Variants in MROH9 observed in about 807,000 individuals in gnomAD.
MROH9 encodes the protein maestro heat like repeat family member 9, also known as maestro heat-like repeat-containing protein family member 9.
Under a neutral mutation model 98.2 loss-of-function variants are expected in MROH9, and 92 were observed. The observed-to-expected ratio is 0.94, with a 90% CI of 0.79 to 1.11. The LOEUF is 1.11. MROH9 is among the 50% of genes most tolerant of loss of function. MROH9 has a pLI of 0.00. For missense variants in MROH9, 1,057 were observed against 1,014.8 expected, an observed-to-expected ratio of 1.04 and a Z score of -0.57; for synonymous variants, 397 against 368.9, an observed-to-expected ratio of 1.08 and a Z score of -0.87.
rs374921240 is a variant in MROH9, at chr1:170,986,647, C to A, written c.816C>A (p.Ile272=). ...LMKLSSPDDK[I]ASDAASILIF... ...AACTCTCTTCACCTGATGATAAAAT[C>A]GCATCTGATGCAGCATCCATACTGA... Residue 272 remains isoleucine (I), a synonymous_variant, in exon 10 of 22, where the codon ATC becomes ATA. Coordinates refer to ENST00000367759, the MANE Select transcript of MROH9 (RefSeq NM_001163629.2). The A allele has an allele frequency of 5.6e-6, 9 of 1,613,760 alleles. No homozygotes were observed. Among genetic ancestry groups the A allele is most frequent in the African/African-American group, 2.7e-5 (2 of 74,888 alleles).
At chr1:170,940,328 A>T (rs61815200) in intron 1 of MROH9, among the ~76,000 whole-genome samples, 5,716 of 152,292 alleles carry the variant, frequency 0.038, 157 homozygotes, top group Middle Eastern at 0.061. Context: ...ATAAGTTTAG[A>T]TATTGCTACT....
intron 20 of MROH9, among the ~76,000 whole-genome samples, chr1:171,046,187 T>G (rs1476906023): frequency 6.6e-6 from 1 of 152,190 alleles, no homozygotes; most frequent in Non-Finnish European, 1.5e-5. Flanking sequence ...TGTGTGTCTT[T>G]ATAGGTGAAA....
intron 8 of MROH9, among the ~76,000 whole-genome samples, chr1:170,978,337 T>A (rs1241767530): frequency 6.6e-6 from 1 of 152,116 alleles, no homozygotes; most frequent in African/African-American, 2.4e-5. Context: ...GGGATAGAAC[T>A]CTGCTGTGGC....
chr1:171,020,439 G>A (rs1652479367), intron 17 of MROH9, among the ~76,000 whole-genome samples: 4 of 152,020 alleles, frequency 2.6e-5, no homozygotes. Flanking sequence ...TTCATCCCCG[G>A]GACGCAAGCC....
intron 7 of MROH9, among the ~76,000 whole-genome samples, chr1:170,967,719 T>C (rs778735642): frequency 6.6e-6 from 1 of 152,210 alleles, no homozygotes; most frequent in Non-Finnish European, 1.5e-5. Context: ...ATGACTCATG[T>C]GCCCATCAGG....
chr1:170,971,682 T>C, intron 7 of MROH9, 66 bp from the exon 8 acceptor site: 1 of 1,544,116 alleles, frequency 6.5e-7, no homozygotes, highest in South Asian at 1.1e-5. Flanking sequence ...CAGGATCAGA[T>C]GCATGCAGAC....
At chr1:171,025,256 G>A in intron 19 of MROH9, 62 bp from the exon 20 acceptor site, 1 of 1,050,568 alleles carries the variant, frequency 9.5e-7, no homozygotes, top group Non-Finnish European at 1.4e-6. Flanking sequence ...AGCCTTTCTG[G>A]AGGGAGCAAA....
intron 2 of MROH9, among the ~76,000 whole-genome samples, chr1:170,947,202 G>T (rs560306541): frequency 1.3e-5 from 2 of 151,942 alleles, no homozygotes; most frequent in Non-Finnish European, 2.9e-5. Flanking sequence ...AAATTATTGT[G>T]TAGAATTTCT....
chr1:170,979,761 A>C (rs28887824), intron 8 of MROH9, among the ~76,000 whole-genome samples: 17,915 of 152,192 alleles, frequency 0.12, 1,128 homozygotes, highest in South Asian at 0.14. Context: ...AAAGTTCATA[A>C]AGGACATCAA....
chr1:171,022,768 A>G (rs943335285), intron 17 of MROH9, among the ~76,000 whole-genome samples: 1 of 152,192 alleles, frequency 6.6e-6, no homozygotes, highest in Admixed American at 6.5e-5. Context: ...AGTTAAAAAA[A>G]AAGAAAAAAG....
intron 2 of MROH9, among the ~76,000 whole-genome samples, chr1:170,946,016 T>C (rs1649318644): frequency 6.6e-6 from 1 of 152,030 alleles, no homozygotes; most frequent in Non-Finnish European, 1.5e-5. Context: ...TAGCCTTTAG[T>C]ACTTAGAAAA....
At chr1:171,010,508 C>T (rs942199861) in intron 15 of MROH9, among the ~76,000 whole-genome samples, 1 of 152,094 alleles carries the variant, frequency 6.6e-6, no homozygotes, top group African/African-American at 2.4e-5. Context: ...TGGGGAATCA[C>T]CACAGTCTTC....
intron 3 of MROH9, 45 bp from the exon 4 acceptor site, chr1:170,958,416 A>T (rs1231345852): frequency 6.5e-6 from 8 of 1,231,158 alleles, no homozygotes; most frequent in Non-Finnish European, 9.3e-6. Flanking sequence ...CTGCTCTGTA[A>T]TCATTAATTC....
chr1:171,062,778 C>T (rs1176452337), intron 21 of MROH9, among the ~76,000 whole-genome samples: 4 of 151,700 alleles, frequency 2.6e-5, no homozygotes, highest in Non-Finnish European at 5.9e-5. Flanking sequence ...AGTTGGCTGC[C>T]TTCCTTCCTT....
At chr1:170,961,631 T>C (rs1385145629) in intron 5 of MROH9, among the ~76,000 whole-genome samples, 1 of 152,194 alleles carries the variant, frequency 6.6e-6, no homozygotes, top group Non-Finnish European at 1.5e-5. Flanking sequence ...ATATTCATTC[T>C]ACTTCTCAAA....
At chr1:170,962,092 G>GT (rs1255074331) in intron 6 of MROH9, 116 bp downstream of exon 6, 2 of 603,130 alleles carry the variant, frequency 3.3e-6, no homozygotes, top group Non-Finnish European at 5.7e-6. Flanking sequence ...ATGACTGAAA[G>GT]TTTTTCTTTA....
At chr1:171,005,362 C>T (rs377636157) in intron 15 of MROH9, among the ~76,000 whole-genome samples, 36 of 152,260 alleles carry the variant, frequency 2.4e-4, no homozygotes, top group African/African-American at 7.7e-4. Flanking sequence ...TGAGCCATCA[C>T]GCCTGGCCAG....
At chr1:171,043,770 A>C in intron 20 of MROH9, among the ~76,000 whole-genome samples, 1 of 151,874 alleles carries the variant, frequency 6.6e-6, no homozygotes, top group Non-Finnish European at 1.5e-5. Flanking sequence ...AATTTTTTTC[A>C]CATTGTTCAC....
At position 170,942,368 on chromosome 1, in the gene MROH9, GACACACACACAC is replaced by G. The variant is rs10529238; in HGVS notation, c.-37-3121_-37-3110del. ...CAGTTTCCTCCGGCAATGTAGAGTA[GACACACACACAC>G]ACACACACACACACACACACACACA... On this transcript the variant is annotated intron_variant, in intron 1 of 21. Coordinates refer to ENST00000367759, the MANE Select transcript of MROH9 (RefSeq NM_001163629.2). Among the ~76,000 whole-genome samples the G allele has an allele frequency of 7.0e-3, 1,010 of 145,062 alleles. 8 individuals carry two copies. Among genetic ancestry groups the G allele is most frequent in the Admixed American group, 0.023 (334 of 14,508 alleles).
Sources: gnomAD v4.1 joint callset for allele counts (sites outside exome capture counted in the v4.1 genomes callset) on GRCh38, gnomAD v4.1.1 for gene constraint, MANE v1.5 for transcripts, NCBI Gene and HGNC (gene_info 2026-07-23, HGNC 2026-07-21) for gene names.